Variants in MOB1B observed in about 807,000 individuals in gnomAD.
MOB1B encodes the protein MOB1 Mps One Binder homolog B.
In MOB1B, 19 loss-of-function variants were observed where a neutral mutation model predicts 24.4. The ratio of observed to expected loss-of-function variants is 0.78; its 90% CI spans 0.54 to 1.14. The LOEUF (loss-of-function observed/expected upper bound fraction) is 1.14. MOB1B is among the 50% of genes most tolerant of loss of function. The pLI, the probability that MOB1B is intolerant of heterozygous loss-of-function variation, is 0.00. For missense variants in MOB1B, 243 were observed against 259.6 expected (o/e 0.94, Z 0.44); for synonymous variants, 76 against 82.1 (o/e 0.93, Z 0.40).
At chr4:70,902,332 A>G (rs1735539168), upstream of MOB1B, 1 of 656,284 alleles carries the variant, frequency 1.5e-6, no homozygotes, top group Admixed American at 2.1e-5. Context: ...GAGTGATTCA[A>G]GACGAGCGCT....
intron 1 of MOB1B, among the ~76,000 whole-genome samples, chr4:70,915,110 C>T (rs1000580326): frequency 2.0e-5 from 3 of 152,166 alleles, no homozygotes; most frequent in South Asian, 2.1e-4. Flanking sequence ...TTGCTAGCAG[C>T]TGTTATTTTT....
At chr4:70,935,488 A>G (rs1341136388) in intron 1 of MOB1B, among the ~76,000 whole-genome samples, 1 of 152,176 alleles carries the variant, frequency 6.6e-6, no homozygotes, top group African/African-American at 2.4e-5. Flanking sequence ...TCGCCTGTGG[A>G]GTAAGCACAC....
intron 4 of MOB1B, among the ~76,000 whole-genome samples, chr4:70,978,550 AT>A (rs1420206883): frequency 2.0e-5 from 3 of 152,220 alleles, no homozygotes; most frequent in African/African-American, 7.2e-5. Flanking sequence ...CCAACAGTAT[AT>A]AAGAGTTCCC....
At chr4:70,945,354 C>A (rs1737532813) in intron 1 of MOB1B, among the ~76,000 whole-genome samples, 1 of 152,104 alleles carries the variant, frequency 6.6e-6, no homozygotes, top group Admixed American at 6.6e-5. Flanking sequence ...TTTGTTAGGG[C>A]CCTTTCCAAG....
intron 3 of MOB1B, among the ~76,000 whole-genome samples, chr4:70,972,754 C>T (rs1738810709): frequency 6.8e-6 from 1 of 147,508 alleles, no homozygotes; most frequent in African/African-American, 2.7e-5. Context: ...CTAAGCAATA[C>T]ACAATTATTT....
At chr4:70,905,755 A>G (rs377333988) in intron 1 of MOB1B, among the ~76,000 whole-genome samples, 11 of 152,134 alleles carry the variant, frequency 7.2e-5, no homozygotes, top group African/African-American at 1.9e-4. Context: ...GGAAAGAACT[A>G]CTACTGATTT....
chr4:70,949,678 A>G (rs1201905340), intron 1 of MOB1B, among the ~76,000 whole-genome samples: 1 of 152,168 alleles, frequency 6.6e-6, no homozygotes, highest in Non-Finnish European at 1.5e-5. Context: ...ACTTGAGCCC[A>G]GGAGTTTGAG....
chr4:70,914,266 A>G (rs977917718), intron 1 of MOB1B, among the ~76,000 whole-genome samples: 2 of 152,234 alleles, frequency 1.3e-5, no homozygotes, highest in Non-Finnish European at 2.9e-5. Flanking sequence ...AGTCTGAGGT[A>G]CTTTGTTGTA....
chr4:70,917,908 G>T (rs1736258537), intron 1 of MOB1B, among the ~76,000 whole-genome samples: 1 of 151,434 alleles, frequency 6.6e-6, no homozygotes, highest in Non-Finnish European at 1.5e-5. Flanking sequence ...ATTGGACAAA[G>T]TATTTTCTTG....
intron 1 of MOB1B, among the ~76,000 whole-genome samples, chr4:70,948,919 T>C (rs1737688149): frequency 6.6e-6 from 1 of 152,176 alleles, no homozygotes. Flanking sequence ...TAGGCTGTGC[T>C]TGCCTACTTC....
In MOB1B at chr4:70,953,046, G is replaced by A. The variant is rs557237100; in HGVS notation, c.15-5828G>A. ...CAACCTCCGCCTCCTGGGATCAAGC[G>A]ATTCTCCTGCCTCAGCCGAGTAGCT... On this transcript the variant is annotated intron_variant, in intron 1 of 5. Coordinates refer to ENST00000309395, the MANE Select transcript of MOB1B (RefSeq NM_173468.4). 2.0e-5 allele frequency among the ~76,000 whole-genome samples: 3 copies of A among 148,890 alleles called. No individual in the cohort carries two copies. In the South Asian group the frequency reaches 6.5e-4, roughly 32 times the overall value.
intron 1 of MOB1B, among the ~76,000 whole-genome samples, chr4:70,933,593 C>T (rs1214796497): frequency 8.3e-6 from 1 of 121,024 alleles, no homozygotes; most frequent in Non-Finnish European, 1.6e-5. Context: ...GCTCTGTCAA[C>T]CAGGCTGGAG....
chr4:70,958,614 C>T (rs1738167647), intron 1 of MOB1B: 1 of 516,482 alleles, frequency 1.9e-6, no homozygotes, highest in South Asian at 1.6e-5. Flanking sequence ...ATAACTAAAA[C>T]ATCATGGAAG....
At chr4:70,949,904 G>A (rs572516513) in intron 1 of MOB1B, among the ~76,000 whole-genome samples, 41 of 151,750 alleles carry the variant, frequency 2.7e-4, no homozygotes, top group African/African-American at 9.7e-4. Flanking sequence ...AGTGAACCCT[G>A]TCTTCAAAAA....
At chr4:70,922,091 G>A (rs977028005) in intron 1 of MOB1B, among the ~76,000 whole-genome samples, 1 of 152,076 alleles carries the variant, frequency 6.6e-6, no homozygotes, top group African/African-American at 2.4e-5. Context: ...GGCACATTTT[G>A]TATACAGAAT....
chr4:70,915,833 C>A (rs1177503855), intron 1 of MOB1B, among the ~76,000 whole-genome samples: 1 of 151,896 alleles, frequency 6.6e-6, no homozygotes, highest in African/African-American at 2.4e-5. Flanking sequence ...CTAGTGGAAG[C>A]AGGGTAGCTC....
rs1739397596 is a variant in MOB1B, at chr4:70,986,877, T to G, written c.*4820T>G. On this transcript the variant is annotated 3_prime_UTR_variant, in exon 6 of 6. Transcript: ENST00000309395. ...GCTGATCACAGAGAATAATCCATTT[T>G]GAAGGTATAAAACTGCACTGTATGT... 6.6e-6 allele frequency: 1 copy of G among 152,138 alleles called. No individual in the cohort carries two copies. Among genetic ancestry groups the G allele is most frequent in the African/African-American group, 2.4e-5 (1 of 41,456 alleles). 9.4% of individuals were successfully genotyped at this position (152,138 alleles called of 1,614,324 possible).
At chr4:70,965,958 T>C (rs541338491) in intron 2 of MOB1B, among the ~76,000 whole-genome samples, 30 of 152,100 alleles carry the variant, frequency 2.0e-4, no homozygotes, top group African/African-American at 6.5e-4. Context: ...AATAATCTTA[T>C]AACTTAAAAA....
chr4:70,902,228 C>A (rs138927362), upstream of MOB1B: 6,225 of 540,438 alleles, frequency 0.012, 57 homozygotes, highest in Non-Finnish European at 0.017. Flanking sequence ...GGGCTTGCAC[C>A]GCTATCGCGA....
Sources: gnomAD v4.1 joint callset for allele counts (sites outside exome capture counted in the v4.1 genomes callset) on GRCh38, gnomAD v4.1.1 for gene constraint, MANE v1.5 for transcripts, NCBI Gene and HGNC (gene_info 2026-07-23, HGNC 2026-07-21) for gene names.